Variants in SLA observed in about 807,000 individuals in gnomAD.
SLA encodes Src like adaptor, also known as src-like-adapter.
In SLA, 16 loss-of-function variants were observed where a neutral mutation model predicts 30.3. The ratio of observed to expected loss-of-function variants is 0.53; its 90% CI spans 0.36 to 0.80. The LOEUF (loss-of-function observed/expected upper bound fraction) is 0.80. SLA is among the 30% of genes least tolerant of loss of function. The pLI, the probability that SLA is intolerant of heterozygous loss-of-function variation, is 0.01. For synonymous variants in SLA, 143 were observed against 137.8 expected (o/e 1.04, Z -0.26); for missense variants, 310 against 345.2 (o/e 0.90, Z 0.81).
At chr8:133,099,202 C>G (rs1848879734) in intron 1 of SLA, among the ~76,000 whole-genome samples, 1 of 152,228 alleles carries the variant, frequency 6.6e-6, no homozygotes, top group African/African-American at 2.4e-5. Flanking sequence ...TAGCCCTGCT[C>G]CATGGCGGTC....
intron 3 of SLA, among the ~76,000 whole-genome samples, chr8:133,055,338 A>G (rs1455529810): frequency 6.7e-6 from 1 of 149,958 alleles, no homozygotes; most frequent in Non-Finnish European, 1.5e-5. Flanking sequence ...TTTCAGTGTC[A>G]TCTTCAGGAC....
chr8:133,086,118 A>G (rs1290198812), intron 1 of SLA, among the ~76,000 whole-genome samples: 1 of 152,244 alleles, frequency 6.6e-6, no homozygotes, highest in Non-Finnish European at 1.5e-5. Context: ...TACATATTCT[A>G]TGATTCCATT....
At chr8:133,055,037 G>A (rs1841119847) in intron 3 of SLA, among the ~76,000 whole-genome samples, 1 of 152,192 alleles carries the variant, frequency 6.6e-6, no homozygotes, top group African/African-American at 2.4e-5. Context: ...AGCTGGGAGA[G>A]TTTTAGTCAC....
At chr8:133,075,723 T>C (rs1416953007) in intron 1 of SLA, among the ~76,000 whole-genome samples, 3 of 152,090 alleles carry the variant, frequency 2.0e-5, no homozygotes, top group East Asian at 3.9e-4. Context: ...GTTTCTGCCA[T>C]AGAAGTAATG....
intron 5 of SLA, 125 bp from the exon 6 acceptor site, chr8:133,048,058 A>G: frequency 1.6e-6 from 1 of 608,842 alleles, no homozygotes; most frequent in Non-Finnish European, 2.9e-6. Context: ...TGAGACAGGA[A>G]GCATCATCTC....
chr8:133,095,808 G>A (rs1250054836), intron 1 of SLA, among the ~76,000 whole-genome samples: 1 of 152,210 alleles, frequency 6.6e-6, no homozygotes, highest in Admixed American at 6.5e-5. Context: ...AATTGGAGCA[G>A]GTCTTATTCT....
chr8:133,048,219 T>C (rs930382377), intron 5 of SLA, among the ~76,000 whole-genome samples: 2 of 152,144 alleles, frequency 1.3e-5, no homozygotes, highest in African/African-American at 2.4e-5. Context: ...CTTCCTTTTA[T>C]TTATGTAATT....
At chr8:133,049,874 A>G (rs763734378) in intron 5 of SLA, 28 bp downstream of exon 5, 81 of 1,407,768 alleles carry the variant, frequency 5.8e-5, no homozygotes, top group Non-Finnish European at 1.5e-5. Context: ...ATCATGCTTA[A>G]TTGCTGCCAT....
At chr8:133,101,466 G>A (rs1241856770) in intron 1 of SLA, among the ~76,000 whole-genome samples, 7 of 152,174 alleles carry the variant, frequency 4.6e-5, no homozygotes. Flanking sequence ...GAAGATGGCA[G>A]GTTCTGGAGG....
At chr8:133,068,292 G>A (rs1843405263) in intron 2 of SLA, among the ~76,000 whole-genome samples, 1 of 152,192 alleles carries the variant, frequency 6.6e-6, no homozygotes, top group South Asian at 2.1e-4. Context: ...ACATGTCCAG[G>A]AGCCTGTATG....
intron 1 of SLA, among the ~76,000 whole-genome samples, chr8:133,096,741 G>A (rs1005414739): frequency 3.9e-5 from 6 of 152,182 alleles, no homozygotes; most frequent in Admixed American, 3.3e-4. Flanking sequence ...GGGAGATGAA[G>A]GGACTCTTGT....
chr8:133,044,757 C>T (rs1425216075), intron 7 of SLA, among the ~76,000 whole-genome samples: 3 of 152,140 alleles, frequency 2.0e-5, no homozygotes, highest in African/African-American at 4.8e-5. Context: ...ATGTACACTT[C>T]GAGAGAGGGC....
chr8:133,048,315 G>T (rs1441922434), intron 5 of SLA, among the ~76,000 whole-genome samples: 3 of 152,082 alleles, frequency 2.0e-5, no homozygotes, highest in Admixed American at 2.0e-4. Context: ...CCACCTTCCA[G>T]GTTCAAGTGA....
intron 6 of SLA, among the ~76,000 whole-genome samples, chr8:133,045,736 T>G (rs1839252791): frequency 6.6e-6 from 1 of 152,118 alleles, no homozygotes; most frequent in Admixed American, 6.5e-5. Flanking sequence ...TTGGGGTGCT[T>G]CCACATCCTG....
At chr8:133,078,407 C>T (rs776059204) in intron 1 of SLA, among the ~76,000 whole-genome samples, 6 of 152,174 alleles carry the variant, frequency 3.9e-5, no homozygotes, top group African/African-American at 7.2e-5. Context: ...ATTGTGAGTT[C>T]GCTTCCATGT....
At chr8:133,075,346 A>G (rs569541046) in intron 1 of SLA, among the ~76,000 whole-genome samples, 18 of 152,232 alleles carry the variant, frequency 1.2e-4, no homozygotes, top group African/African-American at 3.4e-4. Context: ...CGGTTTCCCA[A>G]TTTTTGCAGC....
At chr8:133,095,910 C>T (rs1353641169) in intron 1 of SLA, among the ~76,000 whole-genome samples, 4 of 152,186 alleles carry the variant, frequency 2.6e-5, no homozygotes, top group Non-Finnish European at 5.9e-5. Context: ...CCACTGTCTC[C>T]TCCTGCCTTC....
At chr8:133,097,156 A>T (rs900975995) in intron 1 of SLA, among the ~76,000 whole-genome samples, 1 of 152,186 alleles carries the variant, frequency 6.6e-6, no homozygotes, top group Admixed American at 6.5e-5. Context: ...CATGCATGAC[A>T]TGGGTCTCTG....
chr8:133,102,518 AG>A (rs554585443), intron 1 of SLA, 34 bp downstream of exon 1: 35 of 1,549,738 alleles, frequency 2.3e-5, no homozygotes, highest in Non-Finnish European at 3.0e-5. Flanking sequence ...TGGCCCACCC[AG>A]GGGGTCCCAA....
Sources: gnomAD v4.1 joint callset for allele counts (sites outside exome capture counted in the v4.1 genomes callset) on GRCh38, gnomAD v4.1.1 for gene constraint, MANE v1.5 for transcripts, NCBI Gene and HGNC (gene_info 2026-07-23, HGNC 2026-07-21) for gene names.